The following EPHB6 variants were observed in gnomAD, a reference collection of about 807,000 sequenced individuals.
The protein encoded by EPHB6 is EPH receptor B6, also known as ephrin type-B receptor 6.
In EPHB6, 51 loss-of-function variants were observed where a neutral mutation model predicts 107.0. The observed-to-expected ratio is 0.48, with a 90% CI of 0.38 to 0.60. The LOEUF is 0.60. Ranked by LOEUF, EPHB6 falls within the 20% of genes least tolerant of loss-of-function variation. The pLI is 0.00. For synonymous variants in EPHB6, 553 were observed against 549.0 expected (o/e 1.01, Z -0.10); for missense variants, 1,141 against 1,355.5 (o/e 0.84, Z 2.48).
Position 142,865,573 on chromosome 7 carries a change from C to A in EPHB6, c.1048C>A (p.Pro350Thr), listed in dbSNP as rs200070477. ...HAPNPAAPVCPCLEGFYRASS... is the reference protein window; with the variant it reads ...HAPNPAAPVCTCLEGFYRASS... Reference sequence around the variant, plus strand: ...TCCCAACCCAGCAGCCCCCGTTTGCCCCTGCCTGGAGGGCTTCTACCGGGC... The same window carrying A: ...TCCCAACCCAGCAGCCCCCGTTTGCACCTGCCTGGAGGGCTTCTACCGGGC... Residue 350 changes from proline to threonine, a missense_variant, in exon 8 of 20, where the codon CCC becomes ACC. Pro to Thr is a conservative substitution (Grantham distance 38). Around this residue, in one of 3 missense-constraint regions of EPHB6, gnomAD observed 304 missense variants for 295.7 expected, o/e 1.03. Coordinates refer to ENST00000652003, the MANE Select transcript of EPHB6 (RefSeq NM_004445.6). The A allele has an allele frequency of 2.5e-6, 4 of 1,613,818 alleles. No homozygotes were observed. The highest frequency in any genetic ancestry group is 3.4e-6 in the Non-Finnish European group (4 of 1,180,008).
intron 1 of EPHB6, among the ~76,000 whole-genome samples, chr7:142,860,309 C>T (rs1802786240): frequency 6.6e-6 from 1 of 152,190 alleles, no homozygotes; most frequent in South Asian, 2.1e-4. Flanking sequence ...AAATAGCCTT[C>T]ATTGTTTAAA....
rs770338059 is a variant in EPHB6 at position 142,864,403 on chromosome 7, C to T, written c.603C>T (p.Ser201=). 7 of 1,612,680 alleles carry T rather than the reference C, an allele frequency of 4.3e-6. No homozygotes were observed. Among genetic ancestry groups the T allele is most frequent in the Non-Finnish European group, 5.9e-6 (7 of 1,179,502 alleles). ...TGCAACTGAACGTCAAAGAGCGGAG[C>T]TTTGGGCCTCTCACCCAACGCGGCT... ...AGLQLNVKER[S]FGPLTQRGFY... is the part of the protein sequence containing the mutation. The change falls in exon 7 of 20, where the codon AGC becomes AGT. Residue 201 remains serine, a synonymous_variant. Coordinates refer to ENST00000652003, the MANE Select transcript of EPHB6 (RefSeq NM_004445.6).
rs373248157 is a variant in EPHB6, at chr7:142,866,470, T to G, written c.1463-11T>G. The G allele has an allele frequency of 6.2e-7, 1 of 1,613,934 alleles. No individual in the cohort carries two copies. The highest frequency in any genetic ancestry group is 8.5e-7 in the Non-Finnish European group (1 of 1,180,022). On this transcript the variant is annotated splice_polypyrimidine_tract_variant and intron_variant, in intron 9 of 19. Transcript: ENST00000652003. The surrounding 1 kb of genome is among the most constrained non-coding windows in gnomAD (Gnocchi z 5.2). ...TCCTATCCCCATAATAATTTTCCTT[T>G]TGCACTCTAGTGCCCTCTGCTGTCC... is the stretch of plus-strand genomic sequence containing the variant.
chr7:142,870,883 G>T lies in EPHB6; in HGVS notation c.3048G>T (p.Gln1016His). ...HIQLLQQHLR[Q>H]QGSVEV ...AGCTCCTTCAGCAACACCTGAGGCA[G>T]CAGGGCTCAGTGGAGGTCTGAGAAT... The change falls in exon 20 of 20, where the codon CAG (glutamine) becomes CAT (histidine). Residue 1016 changes from glutamine (Q) to histidine (H), a missense_variant. Gln to His is a conservative substitution (Grantham distance 24). Transcript: ENST00000652003. The T allele has an allele frequency of 6.2e-7, 1 of 1,613,726 alleles. No homozygotes were observed.
rs1794675983 is a variant in EPHB6, at chr7:142,867,656, C to T, written c.1799C>T (p.Ser600Phe). 6.2e-7 allele frequency: 1 copy of T among 1,613,508 alleles called. No homozygotes were observed. Among genetic ancestry groups the T allele is most frequent in the Non-Finnish European group, 8.5e-7 (1 of 1,179,968 alleles). ...LPERLSLVIG[S>F]ILGALAFLLL... The stretch of plus-strand genomic sequence containing the variant: ...GAAAGACTCTCCTTGGTGATCGGCT[C>T]CATCCTGGGGGCTTTGGCCTTCCTC... Residue 600 changes from serine (S) to phenylalanine (F), a missense_variant, in exon 12 of 20, where the codon TCC becomes TTC. Physicochemically the swap from Ser to Phe is radical, Grantham distance 155. Around this residue, in one of 3 missense-constraint regions of EPHB6, gnomAD observed 616 missense variants for 759.3 expected, o/e 0.81. Coordinates refer to ENST00000652003, the MANE Select transcript of EPHB6 (RefSeq NM_004445.6). The surrounding 1 kb of genome is among the most constrained non-coding windows in gnomAD (Gnocchi z 5.3).
intron 7 of EPHB6, among the ~76,000 whole-genome samples, chr7:142,865,049 A>G (rs1328252624): frequency 6.6e-6 from 1 of 152,166 alleles, no homozygotes; most frequent in East Asian, 1.9e-4. Context: ...CAGGGTTACT[A>G]TGGAATAGAG....
At chr7:142,863,610 G>C (rs374942519) in intron 5 of EPHB6, 21 bp from the exon 6 acceptor site, 8 of 1,613,072 alleles carry the variant, frequency 5.0e-6, no homozygotes, top group Non-Finnish European at 5.9e-6. Context: ...GCCACTGTGT[G>C]CCCCTCTTAT....
rs2116437042 is a variant in EPHB6 at position 142,865,601 on chromosome 7, G to A, written c.1076G>A (p.Ser359Asn). ...TGCCTGGAGGGCTTCTACCGGGCCA[G>A]TTCCGACCCACCAGAGGCCCCCTGC... ...CPCLEGFYRASSDPPEAPCTG... is the reference protein window; with the variant it reads ...CPCLEGFYRANSDPPEAPCTG... Residue 359 changes from serine to asparagine, a missense_variant, in exon 8 of 20, where the codon AGT becomes AAT. This residue lies in a region of EPHB6 where 304 missense variants were observed against 295.7 expected (regional missense o/e 1.03). Transcript: ENST00000652003. 1 of 1,613,728 alleles carries A rather than the reference G, an allele frequency of 6.2e-7. No individual in the cohort carries two copies. The highest frequency in any genetic ancestry group is 8.5e-7 in the Non-Finnish European group (1 of 1,180,008).
intron 7 of EPHB6, among the ~76,000 whole-genome samples, 167 bp from the exon 8 acceptor site, chr7:142,865,308 A>G (rs1322903172): frequency 1.5e-4 from 23 of 152,254 alleles, no homozygotes. Context: ...AATTGGCAGA[A>G]GAAATCTCTG....
chr7:142,858,602 A>ATTTTTTTTTTTTT (rs58084930), intron 1 of EPHB6, among the ~76,000 whole-genome samples: 1 of 130,086 alleles, frequency 7.7e-6, no homozygotes, highest in Non-Finnish European at 1.6e-5. Context: ...CGCCCAGCTA[A>ATTTTTTTTTTTTT]TTTTTTTTTT....
Position 142,870,278 on chromosome 7 carries a change from A to G in EPHB6, c.2675A>G (p.His892Arg). ...CCTCCAGGCTGTCCTCCTGGATTAC[A>G]TCTACTTATGTTGGACACTTGGCAG... is the stretch of plus-strand genomic sequence containing the variant. ...PPPPGCPPGL[H>R]LLMLDTWQKD... Residue 892 changes from histidine to arginine, a missense_variant, in exon 18 of 20, where the codon CAT becomes CGT. His to Arg is a conservative substitution (Grantham distance 29). Around this residue, in one of 3 missense-constraint regions of EPHB6, gnomAD observed 616 missense variants for 759.3 expected, o/e 0.81. Coordinates refer to ENST00000652003, the MANE Select transcript of EPHB6 (RefSeq NM_004445.6). The G allele has an allele frequency of 6.2e-7, 1 of 1,614,196 alleles. No individual in the cohort carries two copies. The highest frequency in any genetic ancestry group is 1.3e-5 in the African/African-American group (1 of 75,056).
rs770440307 is a variant in EPHB6 at position 142,870,295 on chromosome 7, A to G, written c.2692A>G (p.Thr898Ala). 4 of 1,614,080 alleles carry G rather than the reference A, an allele frequency of 2.5e-6. No individual in the cohort carries two copies. The African/African-American group carries it at 5.3e-5, about 22-fold the overall frequency. Residue 898 changes from threonine (T) to alanine (A), a missense_variant, in exon 18 of 20, where the codon ACT becomes GCT. Thr to Ala is a moderately conservative substitution (Grantham distance 58). Transcript: ENST00000652003. ...TGGATTACATCTACTTATGTTGGAC[A>G]CTTGGCAGAAGGACCGTGCCCGGCG... ...PPGLHLLMLD[T>A]WQKDRARRPH...
chr7:142,867,408 G>A lies in EPHB6; in HGVS notation c.1751-200G>A, dbSNP rs1794658820. On this transcript the variant is annotated intron_variant, in intron 11 of 19. Transcript: ENST00000652003. This position sits in a 1 kb window ranked among gnomAD's most constrained non-coding sequence, Gnocchi z 5.3. ...TGGAGGGCTGTGGGGATGTGTGTGT[G>A]TGTTGTGTGTCCCTGTGTGTGGATG... 2 of 658,526 alleles carry A rather than the reference G, an allele frequency of 3.0e-6. No homozygotes were observed. The highest frequency in any genetic ancestry group is 1.7e-5 in the South Asian group (1 of 58,866). The allele number at this position is 658,526 out of a possible 1,614,324, so 40.8% of individuals were successfully genotyped here.
At position 142,866,504 on chromosome 7, in the gene EPHB6, C is replaced by T. The variant is rs755443021; in HGVS notation, c.1486C>T (p.His496Tyr). The change falls in exon 10 of 20, where the codon CAC becomes TAC. Residue 496 changes from histidine to tyrosine, a missense_variant. Around this residue, in one of 3 missense-constraint regions of EPHB6, gnomAD observed 616 missense variants for 759.3 expected, o/e 0.81. Coordinates refer to ENST00000652003, the MANE Select transcript of EPHB6 (RefSeq NM_004445.6). The surrounding 1 kb of genome is among the most constrained non-coding windows in gnomAD (Gnocchi z 5.2). ...HEVPSAVPVVHQVSRASNSIT... is the reference protein window; with the variant it reads ...HEVPSAVPVVYQVSRASNSIT... ...AGTGCCCTCTGCTGTCCCTGTGGTG[C>T]ACCAGGTGAGCCGGGCATCCAACAG... 1 of 1,614,148 alleles carries T rather than the reference C, an allele frequency of 6.2e-7. No homozygotes were observed. The highest frequency in any genetic ancestry group is 8.5e-7 in the Non-Finnish European group (1 of 1,180,036).
At chr7:142,862,943 G>C (rs6950043) in intron 4 of EPHB6, 110 bp downstream of exon 4, 21,035 of 501,496 alleles carry the variant, frequency 0.042, 1,275 homozygotes, top group African/African-American at 0.21. Context: ...CTCCAAGATG[G>C]TCAAATGTGC....
Position 142,867,897 on chromosome 7 carries a change from C to T in EPHB6, c.1866-100C>T. On this transcript the variant is annotated intron_variant, in intron 12 of 19. Transcript: ENST00000652003. The surrounding 1 kb of genome is among the most constrained non-coding windows in gnomAD (Gnocchi z 5.3). ...GGCAGGAGGGCCAGGCTGTCGTCCC[C>T]CCTCCACAGACCGACTAAAGAGCAG... 1 of 1,520,716 alleles carries T rather than the reference C, an allele frequency of 6.6e-7. No homozygotes were observed. Among genetic ancestry groups the T allele is most frequent in the Non-Finnish European group, 8.9e-7 (1 of 1,121,342 alleles). 94.2% of individuals were successfully genotyped at this position (1,520,716 alleles called of 1,614,324 possible).
chr7:142,858,475 G>A (rs1396053488), intron 1 of EPHB6, among the ~76,000 whole-genome samples: 3 of 107,368 alleles, frequency 2.8e-5, no homozygotes, highest in Admixed American at 1.5e-4. Flanking sequence ...TTGCTCTGTC[G>A]CCGAGGCTGG....
Position 142,868,518 on chromosome 7 carries a change from C to A in EPHB6, c.2065C>A (p.Arg689Ser), listed in dbSNP as rs375181054. ...CTCTTTTGGAGAAGTGCGCCAGGGCCGCCTGCAGCCACGGGGACGGAGGGA... is the reference window on the plus strand; with the variant it reads ...CTCTTTTGGAGAAGTGCGCCAGGGCAGCCTGCAGCCACGGGGACGGAGGGA... ...TGSFGEVRQG[R>S]LQPRGRREQT... Residue 689 changes from arginine to serine, a missense_variant, in exon 15 of 20, where the codon CGC becomes AGC. Coordinates refer to ENST00000652003, the MANE Select transcript of EPHB6 (RefSeq NM_004445.6). The surrounding 1 kb of genome is among the most constrained non-coding windows in gnomAD (Gnocchi z 4.2). The A allele has an allele frequency of 3.7e-6, 6 of 1,613,724 alleles. No individual in the cohort carries two copies. The East Asian group carries it at 1.1e-4, about 30-fold the overall frequency.
chr7:142,871,053 ACCAGCCC>A lies in EPHB6; in HGVS notation c.*152_*158del, dbSNP rs1421516258. The A allele has an allele frequency of 1.3e-6, 1 of 766,574 alleles. No homozygotes were observed. Among genetic ancestry groups the A allele is most frequent in the Non-Finnish European group, 2.2e-6 (1 of 449,674 alleles). The allele number at this position is 766,574 out of a possible 1,614,324, so 47.5% of individuals were successfully genotyped here. A position where few individuals can be genotyped will look rare whatever the true frequency, so the allele number is the denominator to read the frequency against. On this transcript the variant is annotated 3_prime_UTR_variant, in exon 20 of 20. Transcript: ENST00000652003. ...GCATTCCCTGGTCCTCCGCCTCTCC[ACCAGCCC>A]CCTCCTCATTAAAGGGAAAGAAGGG...
Sources: gnomAD v4.1 joint callset for allele counts (sites outside exome capture counted in the v4.1 genomes callset) on GRCh38, gnomAD v4.1.1 for gene constraint, gnomAD v4.1.1 regional missense constraint, Gnocchi (gnomAD v3.1) non-coding constraint, MANE v1.5 for transcripts, NCBI Gene and HGNC (gene_info 2026-07-23, HGNC 2026-07-21) for gene names.